ARG2: variants seen among roughly 807,000 people sequenced by gnomAD.
ARG2 encodes the protein arginase 2.
ARG2 carries 21 observed loss-of-function variants against 39.4 expected under a neutral mutation model. The ratio of observed to expected loss-of-function variants is 0.53; its 90% CI spans 0.38 to 0.77. ARG2 has a LOEUF of 0.77. Ranked by LOEUF, ARG2 falls within the 30% of genes least tolerant of loss-of-function variation. ARG2 has a pLI of 0.00. For missense variants in ARG2, 378 were observed against 426.2 expected (o/e 0.89, Z 1.00); for synonymous variants, 150 against 156.7 (o/e 0.96, Z 0.32).
chr14:67,626,785 C>G lies in ARG2; in HGVS notation c.184+5819C>G, dbSNP rs536503101. Reference sequence around the variant, plus strand: ...ACACACAAACTTATATACAAATATTCATAGCATTATTCATAATGGTCAACA... The same window carrying G: ...ACACACAAACTTATATACAAATATTGATAGCATTATTCATAATGGTCAACA... On this transcript the variant is annotated intron_variant, in intron 2 of 7. Coordinates refer to ENST00000261783, the MANE Select transcript of ARG2 (RefSeq NM_001172.4). 2.5e-4 allele frequency among the ~76,000 whole-genome samples: 38 copies of G among 152,158 alleles called. 1 individual carries two copies. Among genetic ancestry groups the G allele is most frequent in the Non-Finnish European group, 5.0e-4 (34 of 68,030 alleles).
At chr14:67,620,599 T>C (rs769799958) in intron 1 of ARG2, among the ~76,000 whole-genome samples, 1 of 152,118 alleles carries the variant, frequency 6.6e-6, no homozygotes, top group Admixed American at 6.5e-5. Context: ...TTCTCTTCAA[T>C]GAAGGAAACC....
intron 2 of ARG2, among the ~76,000 whole-genome samples, chr14:67,622,713 G>A (rs8013117): frequency 0.43 from 65,671 of 152,172 alleles, 18,318 homozygotes; most frequent in African/African-American, 0.8. Flanking sequence ...GGTTATCACT[G>A]TTTTTAAATC....
At position 67,643,772 on chromosome 14, in the gene ARG2, C is replaced by G. The variant is rs565759357; in HGVS notation, c.362+1409C>G. On this transcript the variant is annotated intron_variant, in intron 3 of 7. Coordinates refer to ENST00000261783, the MANE Select transcript of ARG2 (RefSeq NM_001172.4). ...TCTGGTGATTATTTTCCCTGAGGTG[C>G]TGAGAAAGCTTTTCAGATCACTGAA... is the stretch of plus-strand genomic sequence containing the variant. Among the ~76,000 whole-genome samples the G allele has an allele frequency of 1.1e-4, 16 of 144,438 alleles. No homozygotes were observed. The South Asian group carries it at 2.4e-3, about 22-fold the overall frequency. The allele number at this position is 144,438 out of a possible 152,430, so 94.8% of individuals were successfully genotyped here. A position where few individuals can be genotyped will look rare whatever the true frequency, so the allele number is the denominator to read the frequency against.
rs547589004 is a variant in ARG2 at position 67,620,583 on chromosome 14, G to A, written c.112-311G>A. Among the ~76,000 whole-genome samples the A allele has an allele frequency of 1.3e-4, 20 of 152,272 alleles. No homozygotes were observed. The South Asian group carries it at 4.1e-3, about 32-fold the overall frequency. ...CCAGCGCGGGAGGTGGGGAGGAGCT[G>A]TTTTGTTCTCTTCAATGAAGGAAAC... On this transcript the variant is annotated intron_variant, in intron 1 of 7. Coordinates refer to ENST00000261783, the MANE Select transcript of ARG2 (RefSeq NM_001172.4).
intron 7 of ARG2, 124 bp from the exon 8 acceptor site, chr14:67,650,582 AAAAATAGGT>A: frequency 1.3e-6 from 1 of 752,508 alleles, no homozygotes; most frequent in Non-Finnish European, 2.2e-6. Flanking sequence ...GGGGCTTCCT[AAAAATAGGT>A]ATTTTCTACT....
At position 67,644,988 on chromosome 14, in the gene ARG2, A is replaced by G. The variant is rs188851388; in HGVS notation, c.363-655A>G. ...ACTCCAGCCTGGGAAACAGAGCGAG[A>G]CTCCGTCTTAAAAAAAAAAAAAAAA... On this transcript the variant is annotated intron_variant, in intron 3 of 7. Coordinates refer to ENST00000261783, the MANE Select transcript of ARG2 (RefSeq NM_001172.4). 4.6e-3 allele frequency among the ~76,000 whole-genome samples: 676 copies of G among 145,614 alleles called. 5 individuals are homozygous for G. The highest frequency in any genetic ancestry group is 0.017 in the African/African-American group (660 of 38,612).
intron 2 of ARG2, among the ~76,000 whole-genome samples, chr14:67,622,367 G>C (rs919307173): frequency 6.6e-6 from 1 of 152,190 alleles, no homozygotes; most frequent in Non-Finnish European, 1.5e-5. Flanking sequence ...GAGGAATAAT[G>C]AAGTCACTGA....
intron 7 of ARG2, 87 bp downstream of exon 7, chr14:67,648,270 C>T: frequency 7.0e-7 from 1 of 1,438,252 alleles, no homozygotes; most frequent in Non-Finnish European, 9.4e-7. Flanking sequence ...TTCTGCTATT[C>T]CACATCATTG....
chr14:67,631,630 C>T (rs1314040988), intron 2 of ARG2, among the ~76,000 whole-genome samples: 2 of 152,034 alleles, frequency 1.3e-5, no homozygotes, highest in East Asian at 3.8e-4. Context: ...CAGGGTCTCA[C>T]TATGTTGCCC....
chr14:67,651,249 C>T lies in ARG2; in HGVS notation c.*329C>T. On this transcript the variant is annotated 3_prime_UTR_variant, in exon 8 of 8. Coordinates refer to ENST00000261783, the MANE Select transcript of ARG2 (RefSeq NM_001172.4). ...AAGTGGTTTTTCATCTTTCCTCCCTCCTCCCACAGCCTGGCTATACAGTGC... is the reference window on the plus strand; with the variant it reads ...AAGTGGTTTTTCATCTTTCCTCCCTTCTCCCACAGCCTGGCTATACAGTGC... 3.9e-6 allele frequency: 6 copies of T among 1,521,984 alleles called. No homozygotes were observed. The highest frequency in any genetic ancestry group is 5.3e-6 in the Non-Finnish European group (6 of 1,137,462). 94.3% of individuals were successfully genotyped at this position (1,521,984 alleles called of 1,614,324 possible).
At chr14:67,638,630 G>A (rs565172226) in intron 2 of ARG2, among the ~76,000 whole-genome samples, 6 of 152,060 alleles carry the variant, frequency 3.9e-5, no homozygotes, top group Admixed American at 6.6e-5. Flanking sequence ...AGTTGAGTTC[G>A]TTCTTCCTGA....
chr14:67,627,466 G>A (rs1261672256), intron 2 of ARG2, among the ~76,000 whole-genome samples: 2 of 151,886 alleles, frequency 1.3e-5, no homozygotes, highest in Admixed American at 1.3e-4. Flanking sequence ...TCTAGTTTTG[G>A]GCATTGAAAA....
intron 2 of ARG2, among the ~76,000 whole-genome samples, chr14:67,628,108 A>G (rs1338395958): frequency 6.6e-6 from 1 of 152,214 alleles, no homozygotes; most frequent in Admixed American, 6.5e-5. Context: ...GCATGAGCTG[A>G]TAAGTGGCAT....
chr14:67,646,340 G>T, intron 4 of ARG2: 1 of 349,148 alleles, frequency 2.9e-6, no homozygotes, highest in East Asian at 5.7e-5. Flanking sequence ...TCAGTAATGT[G>T]CAATGGGATA....
In ARG2 at chr14:67,629,858, G is replaced by T. The variant is rs571919708; in HGVS notation, c.184+8892G>T. ...CCTTTCTAAGGATTTGTGTGGATCCGATAGATACTTGGCAAATTTTTGAGT... is the reference window on the plus strand; with the variant it reads ...CCTTTCTAAGGATTTGTGTGGATCCTATAGATACTTGGCAAATTTTTGAGT... On this transcript the variant is annotated intron_variant, in intron 2 of 7. Transcript: ENST00000261783. 1.6e-4 allele frequency among the ~76,000 whole-genome samples: 25 copies of T among 152,148 alleles called. No homozygotes were observed. The South Asian group carries it at 4.6e-3, about 28-fold the overall frequency.
At chr14:67,627,256 G>GATAGATATATATATATATATATATAT (rs1555379492) in intron 2 of ARG2, among the ~76,000 whole-genome samples, 2 of 133,750 alleles carry the variant, frequency 1.5e-5, no homozygotes, top group African/African-American at 5.9e-5. Flanking sequence ...TCAGTAAGGA[G>GATAGATATATATATATATATATATAT]ATATATATAT....
chr14:67,646,427 G>A (rs770906775), intron 4 of ARG2: 72 of 516,678 alleles, frequency 1.4e-4, no homozygotes, highest in South Asian at 2.6e-4. Flanking sequence ...GATTTTATTC[G>A]TCTTGAGAAA....
chr14:67,646,738 AG>A lies in ARG2; in HGVS notation c.617+1del. 6.2e-7 allele frequency: 1 copy of A among 1,608,248 alleles called. No homozygotes were observed. Among genetic ancestry groups the A allele is most frequent in the South Asian group, 1.1e-5 (1 of 90,780 alleles). ...CTGAGAGACGTGGACCCTCCTGAAC[AG>A]TAAGTTGATGCATTTGGCTGAAGTT... is the stretch of plus-strand genomic sequence containing the variant. On this transcript the variant is annotated splice_donor_variant, in intron 5 of 7. Transcript: ENST00000261783. LOFTEE classifies it high-confidence loss of function.
In ARG2 at chr14:67,642,212, T is replaced by A; in HGVS notation, c.211T>A (p.Leu71Met). 6.2e-7 allele frequency: 1 copy of A among 1,614,062 alleles called. No individual in the cohort carries two copies. Among genetic ancestry groups the A allele is most frequent in the Non-Finnish European group, 8.5e-7 (1 of 1,179,960 alleles). ...LGCHLKDFGDLSFTPVPKDDL... is the reference protein window; with the variant it reads ...LGCHLKDFGDMSFTPVPKDDL... ...CTGCCACCTAAAAGACTTTGGAGAT[T>A]TGAGTTTTACTCCAGTCCCCAAAGA... Residue 71 changes from leucine to methionine, a missense_variant, in exon 3 of 8, where the codon TTG (leucine) becomes ATG (methionine). Transcript: ENST00000261783.
Sources: allele counts gnomAD v4.1 joint callset (sites outside exome capture counted in the v4.1 genomes callset), GRCh38; gene constraint gnomAD v4.1.1; transcripts MANE v1.5; gene names NCBI Gene and HGNC (gene_info 2026-07-23, HGNC 2026-07-21).